Variants in MAF observed in about 807,000 individuals in gnomAD.
The protein encoded by MAF is MAF bZIP transcription factor.
A neutral mutation model predicts 22.0 loss-of-function variants in MAF; 10 were observed. The ratio of observed to expected loss-of-function variants is 0.45; its 90% CI spans 0.28 to 0.77. MAF has a LOEUF of 0.77. Ranked by LOEUF, MAF falls within the 30% of genes least tolerant of loss-of-function variation. The probability of loss-of-function intolerance (pLI) is 0.12; values close to 1 mark genes in which losing one functional copy is unlikely to be tolerated. For missense variants in MAF, 544 were observed against 548.4 expected (o/e 0.99, Z 0.08); for synonymous variants, 337 against 255.8 (o/e 1.32, Z -3.03).
At chr16:79,377,800 C>A in the MAF span, among the ~76,000 whole-genome samples, 1 of 152,152 alleles carries the variant, frequency 6.6e-6, no homozygotes, top group South Asian at 2.1e-4. Flanking sequence ...TTCCCCATTT[C>A]TTGTTTTTGT....
downstream of MAF, among the ~76,000 whole-genome samples, chr16:79,585,282 T>A (rs1912768834): frequency 6.6e-6 from 1 of 152,146 alleles, no homozygotes; most frequent in Non-Finnish European, 1.5e-5. Flanking sequence ...TTCCCACCCA[T>A]CTCCTCCTTC....
the MAF span, among the ~76,000 whole-genome samples, chr16:79,320,277 G>A: frequency 6.6e-6 from 1 of 152,198 alleles, no homozygotes; most frequent in Non-Finnish European, 1.5e-5. Context: ...GATTATAGGG[G>A]AATAAGAATA....
the MAF span, among the ~76,000 whole-genome samples, chr16:79,227,969 T>G: frequency 6.6e-6 from 1 of 152,100 alleles, no homozygotes; most frequent in African/African-American, 2.4e-5. Context: ...TATGGCACAA[T>G]TATAGCTTAC....
chr16:79,213,302 A>G, the MAF span, among the ~76,000 whole-genome samples: 1 of 116,828 alleles, frequency 8.6e-6, no homozygotes, highest in African/African-American at 5.1e-5. Flanking sequence ...CAGTCGAACA[A>G]ACAAACACCA....
chr16:79,587,401 TA>T lies in MAF; in HGVS notation c.1119-1461del, dbSNP rs969449228. On this transcript the variant is annotated intron_variant, in intron 1 of 1. Transcript: ENST00000569649. ...TTGAAGTTCAGATGGCTAATCTCTT[TA>T]AAAAAAAACTTCCCCGATAGGATTA... 1.6e-3 allele frequency among the ~76,000 whole-genome samples: 234 copies of T among 150,748 alleles called. 1 individual carries two copies. Among genetic ancestry groups the T allele is most frequent in the African/African-American group, 5.5e-3 (228 of 41,182 alleles).
chr16:79,471,273 A>G, the MAF span, among the ~76,000 whole-genome samples: 2 of 152,210 alleles, frequency 1.3e-5, no homozygotes, highest in Non-Finnish European at 2.9e-5. Flanking sequence ...CAGATACAAA[A>G]CATCTAAGCA....
the MAF span, among the ~76,000 whole-genome samples, chr16:79,449,647 C>G: frequency 1.3e-5 from 2 of 152,258 alleles, no homozygotes; most frequent in Non-Finnish European, 2.9e-5. Flanking sequence ...GATGTGGACT[C>G]TAGGGAAGGG....
the MAF span, among the ~76,000 whole-genome samples, chr16:79,509,604 G>C: frequency 1.3e-5 from 2 of 152,236 alleles, no homozygotes; most frequent in African/African-American, 4.8e-5. Flanking sequence ...GTCTGGGCCA[G>C]CACAGGGCAG....
the MAF span, among the ~76,000 whole-genome samples, chr16:79,430,225 C>T: frequency 6.6e-6 from 1 of 152,230 alleles, no homozygotes; most frequent in African/African-American, 2.4e-5. Context: ...CAATTAACAT[C>T]TGCATAATTT....
chr16:79,589,813 G>C (rs1242955967), downstream of MAF, among the ~76,000 whole-genome samples: 1 of 152,156 alleles, frequency 6.6e-6, no homozygotes, highest in Non-Finnish European at 1.5e-5. Context: ...AGCTTGGGTG[G>C]GCGCGGGGCC....
At chr16:79,266,552 G>A in the MAF span, among the ~76,000 whole-genome samples, 1 of 152,176 alleles carries the variant, frequency 6.6e-6, no homozygotes. Flanking sequence ...GGACTGGGTT[G>A]TCTTTCTGGA....
At chr16:79,213,245 C>A in the MAF span, among the ~76,000 whole-genome samples, 1 of 152,134 alleles carries the variant, frequency 6.6e-6, no homozygotes, top group African/African-American at 2.4e-5. Context: ...CAGCTTCAGG[C>A]CAGACAATGT....
the MAF span, among the ~76,000 whole-genome samples, chr16:79,519,755 G>A: frequency 1.5e-3 from 231 of 152,348 alleles, 1 homozygote; most frequent in Non-Finnish European, 2.6e-3. Flanking sequence ...CTCATGGGCC[G>A]GTGTGACGCT....
At chr16:79,427,825 C>T in the MAF span, among the ~76,000 whole-genome samples, 1 of 152,082 alleles carries the variant, frequency 6.6e-6, no homozygotes, top group Non-Finnish European at 1.5e-5. Context: ...TGCACGGCCT[C>T]CTTGTGAGAA....
the MAF span, among the ~76,000 whole-genome samples, chr16:79,544,041 T>A: frequency 3.5e-4 from 54 of 152,248 alleles, no homozygotes; most frequent in African/African-American, 1.3e-3. Flanking sequence ...GACACCCCCA[T>A]CTTTGAATGC....
chr16:79,580,564 G>A, the MAF span, among the ~76,000 whole-genome samples: 64,326 of 152,004 alleles, frequency 0.42, 15,086 homozygotes, highest in East Asian at 0.84. Context: ...AGGGGGCTTC[G>A]AAGGTCTGAT....
At chr16:79,534,734 A>C in the MAF span, among the ~76,000 whole-genome samples, 527 of 152,306 alleles carry the variant, frequency 3.5e-3, 3 homozygotes, top group African/African-American at 0.012. Flanking sequence ...CTTAAAGTAT[A>C]ATTTAAAAAA....
chr16:79,415,856 C>T, the MAF span, among the ~76,000 whole-genome samples: 1 of 151,976 alleles, frequency 6.6e-6, no homozygotes, highest in Non-Finnish European at 1.5e-5. Flanking sequence ...GTCACAAACC[C>T]CTTGACAAAT....
the MAF span, among the ~76,000 whole-genome samples, chr16:79,487,635 C>CG: frequency 5.3e-5 from 8 of 152,078 alleles, no homozygotes; most frequent in Admixed American, 3.3e-4. Context: ...ATATACCCTT[C>CG]GGGGAAAAAA....
Sources: gnomAD v4.1 joint callset for allele counts (sites outside exome capture counted in the v4.1 genomes callset) on GRCh38, gnomAD v4.1.1 for gene constraint, MANE v1.5 for transcripts, NCBI Gene and HGNC (gene_info 2026-07-23, HGNC 2026-07-21) for gene names.